The following CDYL variants were observed in gnomAD, a reference collection of about 807,000 sequenced individuals.
The protein encoded by CDYL is chromodomain Y like, also known as chromodomain Y-like protein.
Under a neutral mutation model 47.3 loss-of-function variants are expected in CDYL, and 8 were observed. The observed-to-expected ratio is 0.17, with a 90% CI of 0.10 to 0.31. CDYL has a LOEUF of 0.31. CDYL is among the 10% of genes least tolerant of loss of function. The pLI, the probability that CDYL is intolerant of heterozygous loss-of-function variation, is 1.00. For synonymous variants in CDYL, 266 were observed against 265.0 expected (o/e 1.00, Z -0.04); for missense variants, 471 against 701.4 (o/e 0.67, Z 3.71).
chr6:4,886,119 T>C (rs954578679), intron 1 of CDYL, among the ~76,000 whole-genome samples: 3 of 151,328 alleles, frequency 2.0e-5, no homozygotes, highest in African/African-American at 4.9e-5. Flanking sequence ...AGTATAGATA[T>C]GCCACATTTT....
intron 3 of CDYL, among the ~76,000 whole-genome samples, chr6:4,767,337 G>A (rs1057263859): frequency 2.0e-5 from 3 of 152,044 alleles, no homozygotes; most frequent in Admixed American, 1.3e-4. Flanking sequence ...CACTTCGGGA[G>A]GCTGAGGCAG....
chr6:4,855,818 A>C (rs1760991472), intron 1 of CDYL, among the ~76,000 whole-genome samples: 1 of 152,194 alleles, frequency 6.6e-6, no homozygotes, highest in African/African-American at 2.4e-5. Flanking sequence ...AGGGGTCTCC[A>C]CCTGCAGTTA....
intron 2 of CDYL, among the ~76,000 whole-genome samples, chr6:4,921,362 C>T (rs1757711713): frequency 6.6e-6 from 1 of 152,168 alleles, no homozygotes; most frequent in African/African-American, 2.4e-5. Flanking sequence ...GTCCACTTGC[C>T]CTTCCCGTAG....
chr6:4,919,344 C>T (rs1411450708), intron 2 of CDYL, among the ~76,000 whole-genome samples: 2 of 152,090 alleles, frequency 1.3e-5, no homozygotes, highest in Non-Finnish European at 2.9e-5. Flanking sequence ...AAGGTATTGT[C>T]TCTAAGCTAA....
chr6:4,900,692 C>A (rs1013776424), intron 2 of CDYL, among the ~76,000 whole-genome samples: 1 of 148,626 alleles, frequency 6.7e-6, no homozygotes, highest in Non-Finnish European at 1.5e-5. Flanking sequence ...ATTGCTATCT[C>A]ATTGTTTTAA....
At chr6:4,776,899 G>T (rs1454282880) in intron 1 of CDYL, 92 bp downstream of exon 1, 2 of 499,886 alleles carry the variant, frequency 4.0e-6, no homozygotes, top group African/African-American at 4.3e-5. Flanking sequence ...CGCCGCCCGC[G>T]CCCGCCGCGT....
chr6:4,951,363 G>A (rs567398693), intron 5 of CDYL, among the ~76,000 whole-genome samples: 1 of 151,910 alleles, frequency 6.6e-6, no homozygotes, highest in African/African-American at 2.4e-5. Flanking sequence ...ACCCCTTCCC[G>A]CCTTATCTCG....
chr6:4,895,167 ATG>A, intron 2 of CDYL, among the ~76,000 whole-genome samples: 1 of 22,530 alleles, frequency 4.4e-5, no homozygotes, highest in Admixed American at 8.4e-4. Flanking sequence ...ACATGTACAT[ATG>A]TGTATGTATA....
chr6:4,882,769 T>C (rs1412417235), intron 1 of CDYL, among the ~76,000 whole-genome samples: 1 of 152,206 alleles, frequency 6.6e-6, no homozygotes, highest in Non-Finnish European at 1.5e-5. Flanking sequence ...TACCCTGACA[T>C]AGACAAACAC....
At chr6:4,888,582 A>G (rs1424725490) in intron 1 of CDYL, among the ~76,000 whole-genome samples, 1 of 152,140 alleles carries the variant, frequency 6.6e-6, no homozygotes, top group Admixed American at 6.5e-5. Flanking sequence ...TTTAAAAGAA[A>G]CTTTTGGTTG....
intron 6 of CDYL, 28 bp downstream of exon 6, chr6:4,952,437 T>C (rs1300501411): frequency 6.3e-7 from 1 of 1,579,268 alleles, no homozygotes; most frequent in East Asian, 2.3e-5. Flanking sequence ...TGTTACACGT[T>C]ACTTTTTAAA....
At chr6:4,858,918 G>A (rs1401637125) in intron 1 of CDYL, among the ~76,000 whole-genome samples, 1 of 152,190 alleles carries the variant, frequency 6.6e-6, no homozygotes, top group Non-Finnish European at 1.5e-5. Context: ...AACAGTGGTT[G>A]CCACATAAAC....
upstream of CDYL, chr6:4,775,455 C>A (rs547903314): frequency 6.6e-6 from 1 of 150,992 alleles, no homozygotes; most frequent in Non-Finnish European, 1.5e-5. This position sits in a 1 kb window ranked among gnomAD's most constrained non-coding sequence, Gnocchi z 7.0. Context: ...TAGTCCACAC[C>A]GTTCCGCGAA....
At chr6:4,713,454 T>C (rs1757192201) in intron 1 of CDYL, among the ~76,000 whole-genome samples, 2 of 152,180 alleles carry the variant, frequency 1.3e-5, no homozygotes, top group Admixed American at 1.3e-4. Context: ...TGACGAAAAG[T>C]CAAATTCCAT....
chr6:4,780,407 CCCCCG>C (rs1758585695), intron 1 of CDYL, among the ~76,000 whole-genome samples: 2 of 68,076 alleles, frequency 2.9e-5, no homozygotes, highest in African/African-American at 6.8e-5. Flanking sequence ...CGCCCCCCCC[CCCCCG>C]CCCCCGCCCC....
intron 2 of CDYL, among the ~76,000 whole-genome samples, chr6:4,901,305 A>G (rs1360188230): frequency 1.3e-5 from 2 of 152,158 alleles, no homozygotes; most frequent in Non-Finnish European, 2.9e-5. Context: ...GCTACTAGGA[A>G]TTAAGCCCTG....
chr6:4,798,847 A>G (rs1020215729), intron 1 of CDYL, among the ~76,000 whole-genome samples: 2 of 146,852 alleles, frequency 1.4e-5, no homozygotes, highest in African/African-American at 5.2e-5. Flanking sequence ...TTAATTAAAC[A>G]TAAGCTAGAC....
intron 1 of CDYL, among the ~76,000 whole-genome samples, chr6:4,808,783 C>T (rs1220585424): frequency 6.6e-6 from 1 of 152,198 alleles, no homozygotes; most frequent in Non-Finnish European, 1.5e-5. Context: ...TATGGTGTCC[C>T]AGTCAAAATA....
rs150118440 is a variant in CDYL, at chr6:4,749,212, G to A, written c.186+14368G>A. ...ACTAAGCAATAGGCCTGGGAGGCAA[G>A]AGCTGGTTTTTGTACTCACAGCACC... On this transcript the variant is annotated intron_variant, in intron 3 of 8. Coordinates refer to the CDYL transcript ENST00000328908. 5.3e-3 allele frequency among the ~76,000 whole-genome samples: 802 copies of A among 152,348 alleles called. 5 individuals are homozygous for A. The highest frequency in any genetic ancestry group is 0.018 in the African/African-American group (744 of 41,580).
Sources: allele counts gnomAD v4.1 joint callset (sites outside exome capture counted in the v4.1 genomes callset), GRCh38; gene constraint gnomAD v4.1.1; non-coding constraint Gnocchi (gnomAD v3.1); transcripts MANE v1.5; gene names NCBI Gene and HGNC (gene_info 2026-07-23, HGNC 2026-07-21).